Variants in SLCO5A1 observed in about 807,000 individuals in gnomAD.
The protein encoded by SLCO5A1 is organic anion transporter polypeptide-related protein 4.
A neutral mutation model predicts 65.1 loss-of-function variants in SLCO5A1; 39 were observed. The ratio of observed to expected loss-of-function variants is 0.60; its 90% CI spans 0.46 to 0.78. SLCO5A1 has a LOEUF of 0.78. Ranked by LOEUF, SLCO5A1 falls within the 30% of genes least tolerant of loss-of-function variation. SLCO5A1 has a pLI of 0.00. For synonymous variants in SLCO5A1, 438 were observed against 415.7 expected (o/e 1.05, Z -0.65); for missense variants, 1,029 against 1,069.4 (o/e 0.96, Z 0.53).
chr8:69,718,485 A>T (rs1311358393), intron 5 of SLCO5A1, among the ~76,000 whole-genome samples: 1 of 152,172 alleles, frequency 6.6e-6, no homozygotes, highest in Non-Finnish European at 1.5e-5. Context: ...GGGAGAAACA[A>T]TCCAGTCTGT....
At chr8:69,776,891 T>C (rs1195888490) in intron 2 of SLCO5A1, among the ~76,000 whole-genome samples, 1 of 152,124 alleles carries the variant, frequency 6.6e-6, no homozygotes, top group Non-Finnish European at 1.5e-5. Context: ...TGGTTAAAAT[T>C]AAAAAGACAG....
chr8:69,693,488 G>GCAT (rs1814363223), intron 6 of SLCO5A1, among the ~76,000 whole-genome samples: 1 of 152,080 alleles, frequency 6.6e-6, no homozygotes, highest in East Asian at 1.9e-4. Flanking sequence ...GAATGGAACT[G>GCAT]GCTTATATAG....
chr8:69,832,937 G>A lies in SLCO5A1; in HGVS notation c.-264C>T. 2 of 444,922 alleles carry A rather than the reference G, an allele frequency of 4.5e-6. 1 individual carries two copies. 27.6% of individuals were successfully genotyped at this position (444,922 alleles called of 1,614,324 possible). On this transcript the variant is annotated 5_prime_UTR_variant, in exon 2 of 10. It adds an upstream start codon to the 5' untranslated region. Transcript: ENST00000260126. This position sits in a 1 kb window ranked among gnomAD's most constrained non-coding sequence, Gnocchi z 4.5. ...GGTACTGCGATGAGCCCTACTCGGC[G>A]TCCCTCTCCGGGCGGTAGCTTGAGG...
At chr8:69,675,854 A>G (rs994615736) in intron 9 of SLCO5A1, among the ~76,000 whole-genome samples, 1 of 152,264 alleles carries the variant, frequency 6.6e-6, no homozygotes, top group African/African-American at 2.4e-5. Flanking sequence ...CTGCCACTTG[A>G]GAAAAAGACA....
chr8:69,718,734 G>T (rs1815680873), intron 5 of SLCO5A1, among the ~76,000 whole-genome samples: 1 of 152,120 alleles, frequency 6.6e-6, no homozygotes. Context: ...GCCAAGGCCT[G>T]TTCTAAACTC....
chr8:69,768,986 T>C (rs1818196947), intron 2 of SLCO5A1, among the ~76,000 whole-genome samples: 2 of 152,210 alleles, frequency 1.3e-5, no homozygotes, highest in South Asian at 4.1e-4. Flanking sequence ...CCCCGTTCAC[T>C]CAGTCGGCAC....
chr8:69,824,267 A>G (rs997429742), intron 2 of SLCO5A1, among the ~76,000 whole-genome samples: 1 of 152,164 alleles, frequency 6.6e-6, no homozygotes, highest in Non-Finnish European at 1.5e-5. Context: ...GGCAAGAAAT[A>G]ACTAAAATCA....
intron 5 of SLCO5A1, among the ~76,000 whole-genome samples, chr8:69,734,140 C>T (rs1177636075): frequency 3.3e-5 from 5 of 152,164 alleles, no homozygotes; most frequent in Non-Finnish European, 7.3e-5. Flanking sequence ...CAAGTGTCCT[C>T]AAGTGATTAC....
intron 6 of SLCO5A1, among the ~76,000 whole-genome samples, chr8:69,694,111 C>T (rs1814391545): frequency 6.6e-6 from 1 of 152,164 alleles, no homozygotes; most frequent in South Asian, 2.1e-4. Context: ...TCCCCAATAG[C>T]TCATTCAGCA....
At chr8:69,768,265 T>G (rs1227857481) in intron 2 of SLCO5A1, among the ~76,000 whole-genome samples, 3 of 152,188 alleles carry the variant, frequency 2.0e-5, no homozygotes, top group African/African-American at 7.2e-5. Flanking sequence ...ATGAATTTTT[T>G]ATAGATTGAT....
chr8:69,784,899 A>AAAGAAAGG (rs1818973313), intron 2 of SLCO5A1, among the ~76,000 whole-genome samples: 1 of 28,458 alleles, frequency 3.5e-5, no homozygotes, highest in African/African-American at 2.6e-4. Flanking sequence ...AGAAAGGAAG[A>AAAGAAAGG]AAGAAAGAAA....
At position 69,673,264 on chromosome 8, in the gene SLCO5A1, G is replaced by C. The variant is rs772879369; in HGVS notation, c.2152C>G (p.Gln718Glu). ...CAAGAACCCTGCACACCACATTCCT[G>C]TTGCCAGAGCATGCAGGTGGTGTCA... ...VIDTTCMLWQQECGVQGSCWE... is the reference protein window; with the variant it reads ...VIDTTCMLWQEECGVQGSCWE... Residue 718 changes from glutamine to glutamate, a missense_variant, in exon 10 of 10, where the codon CAG (glutamine) becomes GAG (glutamate). Gln to Glu is a conservative substitution (Grantham distance 29). Transcript: ENST00000260126. The C allele has an allele frequency of 3.7e-6, 6 of 1,614,232 alleles. No individual in the cohort carries two copies. The highest frequency in any genetic ancestry group is 5.1e-6 in the Non-Finnish European group (6 of 1,180,046).
At chr8:69,826,897 C>T (rs1260888668) in intron 2 of SLCO5A1, among the ~76,000 whole-genome samples, 3 of 151,992 alleles carry the variant, frequency 2.0e-5, no homozygotes, top group African/African-American at 7.2e-5. Context: ...GGAACCAACC[C>T]AAATGTCCAA....
chr8:69,673,030 G>A lies in SLCO5A1; in HGVS notation c.2386C>T (p.Pro796Ser). The A allele has an allele frequency of 6.2e-7, 1 of 1,614,176 alleles. No individual in the cohort carries two copies. Among genetic ancestry groups the A allele is most frequent in the Non-Finnish European group, 8.5e-7 (1 of 1,180,030 alleles). ...AATTCTCCCTGGGTGCTGAAAGCTG[G>A]GCAAGATCTAGTCCGGGCATTGTCG... is the stretch of plus-strand genomic sequence containing the variant. Reference protein sequence around the residue: ...HPDNARTRSCPAFSTQGEFHE... With the variant: ...HPDNARTRSCSAFSTQGEFHE... Residue 796 changes from proline to serine, a missense_variant, in exon 10 of 10, where the codon CCA becomes TCA. Pro to Ser is a moderately conservative substitution (Grantham distance 74, BLOSUM62 -1). This residue lies in a region of SLCO5A1 where 258 missense variants were observed against 237.4 expected (regional missense o/e 1.09). Transcript: ENST00000260126.
intron 2 of SLCO5A1, among the ~76,000 whole-genome samples, chr8:69,815,647 A>AACACAT (rs1554529380): frequency 7.1e-6 from 1 of 141,190 alleles, no homozygotes; most frequent in Admixed American, 7.2e-5. Flanking sequence ...GTAAAATATC[A>AACACAT]ACACACACAC....
intron 6 of SLCO5A1, among the ~76,000 whole-genome samples, chr8:69,683,894 C>T (rs536342138): frequency 6.6e-6 from 1 of 152,290 alleles, no homozygotes; most frequent in South Asian, 2.1e-4. Context: ...GCTGGTACCA[C>T]TTATACAGTA....
intron 2 of SLCO5A1, among the ~76,000 whole-genome samples, chr8:69,773,266 C>T (rs1818414033): frequency 6.6e-6 from 1 of 152,226 alleles, no homozygotes; most frequent in Admixed American, 6.5e-5. Flanking sequence ...CAGTACAGAA[C>T]TGGCTCCCTC....
chr8:69,723,754 TAAC>T (rs1167172329), intron 5 of SLCO5A1, among the ~76,000 whole-genome samples: 1 of 149,964 alleles, frequency 6.7e-6, no homozygotes. Flanking sequence ...CTCATTCGTT[TAAC>T]AACAATTTTA....
chr8:69,787,036 GC>G (rs1290251255), intron 2 of SLCO5A1, among the ~76,000 whole-genome samples: 2 of 152,184 alleles, frequency 1.3e-5, no homozygotes, highest in Admixed American at 1.3e-4. Flanking sequence ...CTGAGCAGCT[GC>G]CCCCTGCTGA....
Sources: gnomAD v4.1 joint callset for allele counts (sites outside exome capture counted in the v4.1 genomes callset) on GRCh38, gnomAD v4.1.1 for gene constraint, gnomAD v4.1.1 regional missense constraint, Gnocchi (gnomAD v3.1) non-coding constraint, MANE v1.5 for transcripts, NCBI Gene and HGNC (gene_info 2026-07-23, HGNC 2026-07-21) for gene names.